The following ZC3H7B variants were observed in gnomAD, a reference collection of about 807,000 sequenced individuals.
ZC3H7B encodes the protein zinc finger CCCH-type containing 7B.
A neutral mutation model predicts 116.0 loss-of-function variants in ZC3H7B; 35 were observed. That is an observed-to-expected ratio of 0.30 (90% CI 0.23 to 0.40). The LOEUF (loss-of-function observed/expected upper bound fraction) is 0.40, where lower values mean the gene tolerates loss of function less well. ZC3H7B is among the 10% of genes least tolerant of loss of function. The pLI is 1.00. For missense variants in ZC3H7B, 1,011 were observed against 1,321.5 expected (o/e 0.77, Z 3.64); for synonymous variants, 502 against 545.6 (o/e 0.92, Z 1.11).
At chr22:41,325,645 C>A (rs759617425) in intron 3 of ZC3H7B, 48 bp downstream of exon 3, 125 of 1,609,210 alleles carry the variant, frequency 7.8e-5, no homozygotes, top group Middle Eastern at 4.9e-4. Flanking sequence ...CGGAGATGTG[C>A]AGGGGAGAGG....
intron 1 of ZC3H7B, among the ~76,000 whole-genome samples, chr22:41,307,376 C>T (rs962169750): frequency 6.6e-6 from 1 of 152,166 alleles, no homozygotes; most frequent in African/African-American, 2.4e-5. Context: ...AAATTCATTC[C>T]CCCCAGGGAG....
intron 4 of ZC3H7B, among the ~76,000 whole-genome samples, 200 bp downstream of exon 4, chr22:41,326,118 G>A (rs577986136): frequency 3.5e-4 from 53 of 152,258 alleles, no homozygotes; most frequent in Non-Finnish European, 7.4e-4. Context: ...TTAAAAGTAC[G>A]GATGCATAAT....
chr22:41,348,263 T>C, intron 15 of ZC3H7B, 96 bp downstream of exon 15: 1 of 1,117,446 alleles, frequency 8.9e-7, no homozygotes, highest in Non-Finnish European at 1.3e-6. Flanking sequence ...ACTGAAAGGG[T>C]GGATGTAGGG....
In ZC3H7B at chr22:41,339,179, C is replaced by T. The variant is rs1186636043; in HGVS notation, c.804C>T (p.Leu268=). 1 of 1,609,260 alleles carries T rather than the reference C, an allele frequency of 6.2e-7. No homozygotes were observed. Among genetic ancestry groups the T allele is most frequent in the Non-Finnish European group, 8.5e-7 (1 of 1,177,544 alleles). Residue 268 remains leucine (L), a synonymous_variant, in exon 9 of 23, where the codon CTC becomes CTT. Coordinates refer to ENST00000352645, the MANE Select transcript of ZC3H7B (RefSeq NM_017590.6). ...TCTTTGGCCCAGAGCTGGACACCCT[C>T]CTGGACTCGCTGGTGAGCCACACCA... The part of the protein sequence containing the change: ...GDVFGPELDT[L]LDSLSLVQGG...
intron 19 of ZC3H7B, 41 bp downstream of exon 19, chr22:41,355,903 A>G (rs776101978): frequency 3.1e-6 from 5 of 1,610,698 alleles, no homozygotes; most frequent in Non-Finnish European, 4.2e-6. Context: ...CCCAGGAGGC[A>G]GCGATGCTTT....
rs571533374 is a variant in ZC3H7B at position 41,325,544 on chromosome 22, G to T, written c.54-20G>T. 14 of 1,606,576 alleles carry T rather than the reference G, an allele frequency of 8.7e-6. No individual in the cohort carries two copies. The highest frequency in any genetic ancestry group is 1.3e-5 in the African/African-American group (1 of 74,836). The stretch of plus-strand genomic sequence containing the variant: ...GGACCGCCGGGCTCACCCAGGCCTC[G>T]TGTTTTCTTTTCCTGATAGGTCGAC... On this transcript the variant is annotated intron_variant, in intron 2 of 22. Coordinates refer to ENST00000352645, the MANE Select transcript of ZC3H7B (RefSeq NM_017590.6).
chr22:41,339,294 C>A, intron 9 of ZC3H7B, 103 bp downstream of exon 9: 1 of 1,395,632 alleles, frequency 7.2e-7, no homozygotes, highest in Non-Finnish European at 9.6e-7. Context: ...TGTCATGTGT[C>A]TCAGGAGGAG....
intron 17 of ZC3H7B, 38 bp from the exon 18 acceptor site, chr22:41,355,431 C>G (rs764292606): frequency 6.2e-7 from 1 of 1,611,022 alleles, no homozygotes; most frequent in Admixed American, 1.7e-5. Context: ...GGCCTGGTGC[C>G]TGCAGCTTCA....
intron 12 of ZC3H7B, among the ~76,000 whole-genome samples, chr22:41,342,887 G>A (rs2036539523): frequency 6.6e-6 from 1 of 152,138 alleles, no homozygotes; most frequent in Non-Finnish European, 1.5e-5. Context: ...AAAAAGGATG[G>A]GTAGGCCGGA....
rs1228309693 is a variant in ZC3H7B, at chr22:41,341,124, G to C, written c.1175G>C (p.Gly392Ala). 6.2e-7 allele frequency: 1 copy of C among 1,614,012 alleles called. No individual in the cohort carries two copies. Among genetic ancestry groups the C allele is most frequent in the South Asian group, 1.1e-5 (1 of 91,078 alleles). Residue 392 changes from glycine to alanine, a missense_variant, in exon 11 of 23, where the codon GGT becomes GCT. Coordinates refer to ENST00000352645, the MANE Select transcript of ZC3H7B (RefSeq NM_017590.6). ...TNSQDHRPPS[G>A]AQKPAPSPEP... ...TCACAGGACCACCGTCCCCCTAGCG[G>C]TGCTCAGAAACCAGCCCCCTCGGTG...
chr22:41,356,606 G>A (rs778324394), intron 21 of ZC3H7B, 39 bp from the exon 22 acceptor site: 1 of 1,612,444 alleles, frequency 6.2e-7, no homozygotes. Context: ...CCGGGCAGAG[G>A]TGTGGGGGAG....
chr22:41,350,244 TAGTC>T (rs1467136969), intron 16 of ZC3H7B, among the ~76,000 whole-genome samples: 7 of 152,122 alleles, frequency 4.6e-5, no homozygotes, highest in Non-Finnish European at 1.0e-4. Flanking sequence ...TAGAGCAGCT[TAGTC>T]AGTAGAAGGG....
chr22:41,344,936 G>T (rs1242666013), intron 13 of ZC3H7B, among the ~76,000 whole-genome samples: 1 of 152,128 alleles, frequency 6.6e-6, no homozygotes, highest in Non-Finnish European at 1.5e-5. Flanking sequence ...CTCTTGAGTA[G>T]CTGAGACTAC....
At chr22:41,312,456 T>C (rs956032974) in intron 1 of ZC3H7B, among the ~76,000 whole-genome samples, 4 of 150,706 alleles carry the variant, frequency 2.7e-5, no homozygotes, top group African/African-American at 9.8e-5. Flanking sequence ...ATAATAATAA[T>C]AATAATAATA....
At chr22:41,304,253 C>G (rs530713498) in intron 1 of ZC3H7B, among the ~76,000 whole-genome samples, 2 of 151,886 alleles carry the variant, frequency 1.3e-5, no homozygotes, top group East Asian at 1.9e-4. Context: ...TTGACAGAGT[C>G]TCACTCTGTT....
At position 41,341,295 on chromosome 22, in the gene ZC3H7B, C is replaced by T. The variant is rs577076453; in HGVS notation, c.1197+149C>T. 3.6e-5 allele frequency: 34 copies of T among 934,934 alleles called. No individual in the cohort carries two copies. In the South Asian group the frequency reaches 5.3e-4, roughly 14 times the overall value. The allele number at this position is 934,934 out of a possible 1,614,324, so 57.9% of individuals were successfully genotyped here. On this transcript the variant is annotated intron_variant, in intron 11 of 22. Coordinates refer to ENST00000352645, the MANE Select transcript of ZC3H7B (RefSeq NM_017590.6). ...GAGTGGATGGATCAAAGATGATCAC[C>T]TCGTGCCCTTCCTCACCAAGCCATA...
At chr22:41,329,254 T>G (rs2036352920) in intron 5 of ZC3H7B, among the ~76,000 whole-genome samples, 1 of 132,600 alleles carries the variant, frequency 7.5e-6, no homozygotes, top group Non-Finnish European at 1.5e-5. Context: ...AAAACAAAAC[T>G]AAGCTTTTTT....
In ZC3H7B at chr22:41,357,394, C is replaced by T. The variant is rs890347554; in HGVS notation, c.2899C>T (p.Pro967Ser). ...GDLAGATPEA[P>S]AAAATATTGE ...CCTTGCCGGTGCCACCCCAGAAGCC[C>T]CTGCTGCTGCTGCCACCGCCACCAC... Residue 967 changes from proline to serine, a missense_variant, in exon 23 of 23, where the codon CCT becomes TCT. By Grantham distance (74) the Pro-to-Ser change is moderately conservative. Coordinates refer to ENST00000352645, the MANE Select transcript of ZC3H7B (RefSeq NM_017590.6). The surrounding 1 kb of genome is among the most constrained non-coding windows in gnomAD (Gnocchi z 5.4). 6.2e-7 allele frequency: 1 copy of T among 1,612,936 alleles called. No individual in the cohort carries two copies. The highest frequency in any genetic ancestry group is 1.3e-5 in the African/African-American group (1 of 74,914).
chr22:41,309,993 CAGG>C (rs2036097024), intron 1 of ZC3H7B, among the ~76,000 whole-genome samples: 1 of 151,854 alleles, frequency 6.6e-6, no homozygotes, highest in Admixed American at 6.6e-5. Context: ...ATCACAAGTT[CAGG>C]AGATCGAGAC....
Sources: gnomAD v4.1 joint callset for allele counts (sites outside exome capture counted in the v4.1 genomes callset) on GRCh38, gnomAD v4.1.1 for gene constraint, Gnocchi (gnomAD v3.1) non-coding constraint, MANE v1.5 for transcripts, NCBI Gene and HGNC (gene_info 2026-07-23, HGNC 2026-07-21) for gene names.